The following USP6NL variants were observed in gnomAD, a reference collection of about 807,000 sequenced individuals.
The protein encoded by USP6NL is USP6 N-terminal-like protein.
USP6NL carries 26 observed loss-of-function variants against 61.9 expected under a neutral mutation model. That is an observed-to-expected ratio of 0.42 (90% CI 0.31 to 0.58). The LOEUF (loss-of-function observed/expected upper bound fraction) is 0.58. USP6NL is among the 20% of genes least tolerant of loss of function. The pLI, the probability that USP6NL is intolerant of heterozygous loss-of-function variation, is 0.16. For missense variants in USP6NL, 1,114 were observed against 1,034.3 expected (o/e 1.08, Z -1.06); for synonymous variants, 432 against 390.1 (o/e 1.11, Z -1.27).
intron 1 of USP6NL, among the ~76,000 whole-genome samples, chr10:11,605,347 A>T (rs1838670831): frequency 6.6e-6 from 1 of 152,210 alleles, no homozygotes; most frequent in Admixed American, 6.5e-5. Flanking sequence ...CTTAGAAGCA[A>T]ACTAAACCAA....
chr10:11,469,853 A>G (rs1358771315), intron 14 of USP6NL, among the ~76,000 whole-genome samples: 3 of 152,114 alleles, frequency 2.0e-5, no homozygotes, highest in African/African-American at 7.2e-5. Flanking sequence ...GCTAAATACT[A>G]ACAAGTATAG....
Position 11,611,537 on chromosome 10 carries a change from G to T in USP6NL, c.-178C>A, listed in dbSNP as rs1838903904. 1.9e-5 allele frequency: 3 copies of T among 160,860 alleles called. No individual in the cohort carries two copies. In the South Asian group the frequency reaches 5.2e-4, roughly 28 times the overall value. The allele number at this position is 160,860 out of a possible 1,614,324, so 10.0% of individuals were successfully genotyped here. ...TCCGGCGCGGCGCGGCGCGGCGGCG[G>T]CGGCGGCTACCGCAGTGCCCTCCGC... On this transcript the variant is annotated 5_prime_UTR_variant, in exon 1 of 15. Coordinates refer to ENST00000609104, the MANE Select transcript of USP6NL (RefSeq NM_014688.5). This position sits in a 1 kb window ranked among gnomAD's most constrained non-coding sequence, Gnocchi z 5.3.
rs1281202323 is a variant in USP6NL, at chr10:11,591,230, GTTCTCTTAAGAATGGAGAGTCTCT to G, written c.4+6377_4+6400del. ...TGCTTTCAGAATGGAATTCGAAATA[GTTCTCTTAAGAATGGAGAGTCTCT>G]TGAAACTATTATAAAGAAGTCATTT... On this transcript the variant is annotated intron_variant, in intron 2 of 14. Transcript: ENST00000609104. The surrounding 1 kb of genome is among the most constrained non-coding windows in gnomAD (Gnocchi z 4.7). Among the ~76,000 whole-genome samples the G allele has an allele frequency of 2.0e-5, 3 of 152,140 alleles. No individual in the cohort carries two copies. The highest frequency in any genetic ancestry group is 2.9e-5 in the Non-Finnish European group (2 of 68,032).
At chr10:11,552,070 A>T (rs1836510346) in intron 2 of USP6NL, among the ~76,000 whole-genome samples, 1 of 152,236 alleles carries the variant, frequency 6.6e-6, no homozygotes, top group Non-Finnish European at 1.5e-5. Context: ...AAACATTGCT[A>T]ATTCCCACTA....
Position 11,600,622 on chromosome 10 carries a change from A to G in USP6NL, c.-83-2905T>C, listed in dbSNP as rs1418613609. Reference sequence around the variant, plus strand: ...TATTTTAAAAGTCTAGCCATATTTCATAAGAAATACACCTAAATCAGCAAA... The same window carrying G: ...TATTTTAAAAGTCTAGCCATATTTCGTAAGAAATACACCTAAATCAGCAAA... On this transcript the variant is annotated intron_variant, in intron 1 of 14. Coordinates refer to ENST00000609104, the MANE Select transcript of USP6NL (RefSeq NM_014688.5). The surrounding 1 kb of genome is among the most constrained non-coding windows in gnomAD (Gnocchi z 4.1). 2.6e-5 allele frequency among the ~76,000 whole-genome samples: 4 copies of G among 152,216 alleles called. No individual in the cohort carries two copies. Among genetic ancestry groups the G allele is most frequent in the African/African-American group, 9.6e-5 (4 of 41,460 alleles).
rs905983618 is a variant in USP6NL at position 11,465,628 on chromosome 10, T to C, written c.1079-1779A>G. On this transcript the variant is annotated intron_variant, in intron 14 of 14. Transcript: ENST00000609104. This position sits in a 1 kb window ranked among gnomAD's most constrained non-coding sequence, Gnocchi z 4.5. ...CTGCTGCTGCTACTGCTGCTGTGCCTGTACGTGCTCTCCCCACACCGTGCT... is the reference window on the plus strand; with the variant it reads ...CTGCTGCTGCTACTGCTGCTGTGCCCGTACGTGCTCTCCCCACACCGTGCT... Among the ~76,000 whole-genome samples the C allele has an allele frequency of 5.9e-5, 9 of 152,372 alleles. No homozygotes were observed. The South Asian group carries it at 1.9e-3, about 32-fold the overall frequency.
At position 11,562,426 on chromosome 10, in the gene USP6NL, G is replaced by A. The variant is rs1001716239; in HGVS notation, c.5-34859C>T. On this transcript the variant is annotated intron_variant, in intron 2 of 14. Coordinates refer to ENST00000609104, the MANE Select transcript of USP6NL (RefSeq NM_014688.5). This position sits in a 1 kb window ranked among gnomAD's most constrained non-coding sequence, Gnocchi z 4.8. ...CCTTTTTCTTCTTGCTTGGCTCTTG[G>A]ACCTAAGGATGAAGACGCAGCAGTC... 1 of 985,346 alleles carries A rather than the reference G, an allele frequency of 1.0e-6. No individual in the cohort carries two copies. The highest frequency in any genetic ancestry group is 1.2e-6 in the Non-Finnish European group (1 of 829,920). 61.0% of individuals were successfully genotyped at this position (985,346 alleles called of 1,614,324 possible).
intron 2 of USP6NL, among the ~76,000 whole-genome samples, chr10:11,569,910 G>A (rs183695611): frequency 1.2e-4 from 18 of 152,196 alleles, no homozygotes; most frequent in South Asian, 4.2e-4. Context: ...ATCTTTACAC[G>A]GATTCTTCAT....
Position 11,460,624 on chromosome 10 carries a change from C to CATATATATATATATATATAT in USP6NL, c.*1797_*1816dup, listed in dbSNP as rs57177555. The CATATATATATATATATATAT allele has an allele frequency of 7.9e-6, 1 of 126,660 alleles. No homozygotes were observed. Among genetic ancestry groups the CATATATATATATATATATAT allele is most frequent in the Non-Finnish European group, 1.7e-5 (1 of 58,324 alleles). The allele number at this position is 126,660 out of a possible 1,614,324, so 7.8% of individuals were successfully genotyped here. On this transcript the variant is annotated 3_prime_UTR_variant, in exon 15 of 15. Coordinates refer to ENST00000609104, the MANE Select transcript of USP6NL (RefSeq NM_014688.5). Reference sequence around the variant, plus strand: ...CTTGTGTGTATATATATATTTTTTGCATATATATATATATATATATATATA... The same window carrying CATATATATATATATATATAT: ...CTTGTGTGTATATATATATTTTTTGCATATATATATATATATATATATATATATATATATATATATATATA...
At position 11,485,216 on chromosome 10, in the gene USP6NL, T is replaced by C. The variant is rs202027637; in HGVS notation, c.778A>G (p.Thr260Ala). Residue 260 changes from threonine to alanine, a missense_variant, in exon 12 of 15, where the codon ACA becomes GCA. Transcript: ENST00000609104. The surrounding 1 kb of genome is among the most constrained non-coding windows in gnomAD (Gnocchi z 4.8). Reference protein sequence around the residue: ...KQHLDSQEIYTSFYTMKWFFQ... With the variant: ...KQHLDSQEIYASFYTMKWFFQ... ...AACCATTTCATTGTGTAAAAACTTG[T>C]GTAGATTTCTTGAGAATCCTGAAAA... 33 of 1,529,480 alleles carry C rather than the reference T, an allele frequency of 2.2e-5. No homozygotes were observed. In the East Asian group the frequency reaches 7.6e-4, roughly 35 times the overall value. The allele number at this position is 1,529,480 out of a possible 1,614,324, so 94.7% of individuals were successfully genotyped here.
chr10:11,555,757 T>C (rs1349027930), intron 2 of USP6NL, among the ~76,000 whole-genome samples: 14 of 151,994 alleles, frequency 9.2e-5, no homozygotes, highest in Admixed American at 9.2e-4. Flanking sequence ...AATCTTAAAA[T>C]AGCAGTCCAA....
In USP6NL at chr10:11,595,539, TG is replaced by T. The variant is rs1270519179; in HGVS notation, c.4+2091del. 6.6e-6 allele frequency among the ~76,000 whole-genome samples: 1 copy of T among 152,150 alleles called. No individual in the cohort carries two copies. Among genetic ancestry groups the T allele is most frequent in the East Asian group, 1.9e-4 (1 of 5,198 alleles). The stretch of plus-strand genomic sequence containing the variant: ...ATCTGTGATGTTCTCAACGTCACCA[TG>T]GGGCCAGGGCTCTGACCCACTAACA... On this transcript the variant is annotated intron_variant, in intron 2 of 14. Transcript: ENST00000609104. The surrounding 1 kb of genome is among the most constrained non-coding windows in gnomAD (Gnocchi z 5.3).
chr10:11,532,557 T>A lies in USP6NL; in HGVS notation c.5-4990A>T, dbSNP rs1010841092. On this transcript the variant is annotated intron_variant, in intron 2 of 14. Coordinates refer to ENST00000609104, the MANE Select transcript of USP6NL (RefSeq NM_014688.5). The surrounding 1 kb of genome is among the most constrained non-coding windows in gnomAD (Gnocchi z 4.1). ...CACACCAGCCTACACCAGCATTCCATCCGCTAACAAACAGCGGCTTGAAAG... is the reference window on the plus strand; with the variant it reads ...CACACCAGCCTACACCAGCATTCCAACCGCTAACAAACAGCGGCTTGAAAG... Among the ~76,000 whole-genome samples the A allele has an allele frequency of 2.6e-5, 4 of 152,220 alleles. No individual in the cohort carries two copies. Among genetic ancestry groups the A allele is most frequent in the Non-Finnish European group, 5.9e-5 (4 of 68,028 alleles).
At position 11,488,988 on chromosome 10, in the gene USP6NL, G is replaced by C. The variant is rs1004288462; in HGVS notation, c.664+114C>G. ...AGTAACAAATACTAATGAACTCAACGAGCCCTGAGACATTAAATTTGCTGT... is the reference window on the plus strand; with the variant it reads ...AGTAACAAATACTAATGAACTCAACCAGCCCTGAGACATTAAATTTGCTGT... On this transcript the variant is annotated intron_variant, in intron 10 of 14. Transcript: ENST00000609104. 5 of 1,380,012 alleles carry C rather than the reference G, an allele frequency of 3.6e-6. No homozygotes were observed. The African/African-American group carries it at 5.8e-5, about 16-fold the overall frequency. 85.5% of individuals were successfully genotyped at this position (1,380,012 alleles called of 1,614,324 possible).
chr10:11,547,642 G>A (rs550773288), intron 2 of USP6NL, among the ~76,000 whole-genome samples: 9 of 150,968 alleles, frequency 6.0e-5, no homozygotes, highest in African/African-American at 1.7e-4. Flanking sequence ...CGGGGTTCAC[G>A]CCATTCTCCT....
rs747397995 is a variant in USP6NL, at chr10:11,501,110, G to T, written c.375C>A (p.Asp125Glu). The change falls in exon 7 of 15, where the codon GAC becomes GAA. Residue 125 changes from aspartate to glutamate, a missense_variant. Asp to Glu is a conservative substitution (Grantham distance 45, BLOSUM62 2). Coordinates refer to ENST00000609104, the MANE Select transcript of USP6NL (RefSeq NM_014688.5). ...EIPKMKEETRDLYSKLKHRAR... is the reference protein window; with the variant it reads ...EIPKMKEETRELYSKLKHRAR... ...AGCTTTAGCTACTCACACTATACAG[G>T]TCCCTTGTTTCTTCTTTCATTTTAG... 22 of 1,609,560 alleles carry T rather than the reference G, an allele frequency of 1.4e-5. No homozygotes were observed. Among genetic ancestry groups the T allele is most frequent in the Non-Finnish European group, 1.8e-5 (21 of 1,178,216 alleles).
In USP6NL at chr10:11,574,577, AAG is replaced by A. The variant is rs1199204309; in HGVS notation, c.4+23052_4+23053del. 6.6e-6 allele frequency among the ~76,000 whole-genome samples: 1 copy of A among 152,222 alleles called. No individual in the cohort carries two copies. The highest frequency in any genetic ancestry group is 1.5e-5 in the Non-Finnish European group (1 of 68,040). ...AAAGTAAACCTACAGAGTTAACTAA[AAG>A]AGAAAAATGACACTCAGGTGAACAT... On this transcript the variant is annotated intron_variant, in intron 2 of 14. Transcript: ENST00000609104. The surrounding 1 kb of genome is among the most constrained non-coding windows in gnomAD (Gnocchi z 4.3).
rs886284867 is a variant in USP6NL, at chr10:11,520,061, T to G, written c.156-1487A>C. 6.6e-6 allele frequency among the ~76,000 whole-genome samples: 1 copy of G among 152,168 alleles called. No homozygotes were observed. The highest frequency in any genetic ancestry group is 1.5e-5 in the Non-Finnish European group (1 of 68,022). ...ACAAAAGAATAACCGCCAAAAGAGA[T>G]CTTAGAGTCCAAATCTCTCATTTCA... On this transcript the variant is annotated intron_variant, in intron 4 of 14. Coordinates refer to ENST00000609104, the MANE Select transcript of USP6NL (RefSeq NM_014688.5). The surrounding 1 kb of genome is among the most constrained non-coding windows in gnomAD (Gnocchi z 5.2).
intron 2 of USP6NL, chr10:11,563,205 T>C (rs924395062): frequency 6.6e-6 from 1 of 152,200 alleles, no homozygotes; most frequent in Non-Finnish European, 1.5e-5. Flanking sequence ...ATTCCATTTA[T>C]ATAGCATTCT....
Sources: allele counts gnomAD v4.1 joint callset (sites outside exome capture counted in the v4.1 genomes callset), GRCh38; gene constraint gnomAD v4.1.1; non-coding constraint Gnocchi (gnomAD v3.1); transcripts MANE v1.5; gene names NCBI Gene and HGNC (gene_info 2026-07-23, HGNC 2026-07-21).